Variants in TACC2 observed in about 807,000 individuals in gnomAD.
TACC2 encodes the protein transforming acidic coiled-coil containing protein 2.
In TACC2, 137 loss-of-function variants were observed where a neutral mutation model predicts 227.3. That is an observed-to-expected ratio of 0.60 (90% confidence interval 0.52 to 0.69). TACC2 has a LOEUF of 0.69. Among genes scored for constraint, TACC2 ranks in the 30% least tolerant of loss-of-function variants. The pLI, the probability that TACC2 is intolerant of heterozygous loss-of-function variation, is 0.00. For synonymous variants in TACC2, 1,523 were observed against 1,487.5 expected, an observed-to-expected ratio of 1.02 and a Z score of -0.55; for missense variants, 3,470 against 3,694.4, an observed-to-expected ratio of 0.94 and a Z score of 1.57.
Position 122,108,442 on chromosome 10 carries a change from C to CTT in TACC2, c.5573+19870_5573+19871dup, listed in dbSNP as rs34097153. On this transcript the variant is annotated intron_variant, in intron 5 of 22. Coordinates refer to ENST00000369005, the MANE Select transcript of TACC2 (RefSeq NM_206862.4). The stretch of plus-strand genomic sequence containing the variant: ...TATATATATGTGTATGTCATATTTT[C>CTT]TTTTTTTTTTTTTTTTTTTTGAGAT... Among the ~76,000 whole-genome samples, 451 of 90,042 alleles carry CTT rather than the reference C, an allele frequency of 5.0e-3. 12 individuals carry two copies. The highest frequency in any genetic ancestry group is 0.01 in the African/African-American group (239 of 23,520). The allele number at this position is 90,042 out of a possible 152,430, so 59.1% of individuals were successfully genotyped here. A position where few individuals can be genotyped will look rare whatever the true frequency, so the allele number is the denominator to read the frequency against.
chr10:122,252,710 C>T (rs2096274951), intron 22 of TACC2, among the ~76,000 whole-genome samples: 1 of 152,126 alleles, frequency 6.6e-6, no homozygotes, highest in Non-Finnish European at 1.5e-5. Flanking sequence ...CCAGGCTGGT[C>T]TTGAACTCCT....
At chr10:122,207,018 G>T (rs1325144211) in intron 8 of TACC2, among the ~76,000 whole-genome samples, 1 of 152,204 alleles carries the variant, frequency 6.6e-6, no homozygotes, top group East Asian at 1.9e-4. Context: ...GAGCAGGGAG[G>T]CTGGGTGTGG....
intron 1 of TACC2, among the ~76,000 whole-genome samples, chr10:122,000,245 G>C (rs950140318): frequency 6.6e-6 from 1 of 152,166 alleles, no homozygotes; most frequent in Non-Finnish European, 1.5e-5. Context: ...CAGGCTTGGT[G>C]GTGGGTGCCT....
intron 1 of TACC2, among the ~76,000 whole-genome samples, chr10:122,002,408 C>G (rs1031500577): frequency 6.6e-6 from 1 of 151,514 alleles, no homozygotes; most frequent in African/African-American, 2.4e-5. Context: ...CACTCATGTT[C>G]ATGAGTGATA....
chr10:122,083,023 A>G lies in TACC2; in HGVS notation c.523A>G (p.Arg175Gly). 1 of 1,612,550 alleles carries G rather than the reference A, an allele frequency of 6.2e-7. No individual in the cohort carries two copies. The highest frequency in any genetic ancestry group is 8.5e-7 in the Non-Finnish European group (1 of 1,179,968). ...QEIAAVPSAG[R>G]ERQPKEEGQK... ...GATTGCTGCCGTCCCCAGTGCTGGAAGAGAGAGACAGCCGAAGGAAGAAGG... is the reference window on the plus strand; with the variant it reads ...GATTGCTGCCGTCCCCAGTGCTGGAGGAGAGAGACAGCCGAAGGAAGAAGG... The change falls in exon 4 of 23, where the codon AGA becomes GGA. Residue 175 changes from arginine (R) to glycine (G), a missense_variant. Coordinates refer to ENST00000369005, the MANE Select transcript of TACC2 (RefSeq NM_206862.4).
At chr10:122,088,361 T>TG in intron 4 of TACC2, 117 bp from the exon 5 acceptor site, 1 of 982,668 alleles carries the variant, frequency 1.0e-6, no homozygotes, top group African/African-American at 1.6e-5. Context: ...AGGGATTTTT[T>TG]TTTTTGTAGT....
chr10:122,099,608 T>C (rs574688292), intron 5 of TACC2, among the ~76,000 whole-genome samples: 75 of 152,302 alleles, frequency 4.9e-4, no homozygotes, highest in African/African-American at 1.8e-3. Context: ...TTAAAGAAGC[T>C]GCAAGCACTG....
intron 2 of TACC2, among the ~76,000 whole-genome samples, chr10:122,026,616 G>T (rs1426481387): frequency 6.6e-6 from 1 of 151,880 alleles, no homozygotes; most frequent in Non-Finnish European, 1.5e-5. Flanking sequence ...AAATCCTCTG[G>T]ACTCCACCTA....
chr10:121,989,681 C>G (rs1952950083), intron 1 of TACC2, among the ~76,000 whole-genome samples, 193 bp downstream of exon 1: 1 of 152,048 alleles, frequency 6.6e-6, no homozygotes, highest in South Asian at 2.1e-4. Context: ...TGCTAGGCAC[C>G]TAGTGAGAGC....
chr10:122,253,090 T>G (rs1479815347), intron 22 of TACC2, among the ~76,000 whole-genome samples: 1 of 152,178 alleles, frequency 6.6e-6, no homozygotes, highest in African/African-American at 2.4e-5. Flanking sequence ...CTGGAACATG[T>G]CTCAGGAGTT....
chr10:122,020,791 C>A (rs144464439), intron 1 of TACC2, among the ~76,000 whole-genome samples: 1,688 of 152,210 alleles, frequency 0.011, 28 homozygotes, highest in African/African-American at 0.038. Context: ...TAAGGATTTT[C>A]TGTAATTTAG....
rs745678131 is a variant in TACC2, at chr10:122,249,578, G to T, written c.8695G>T (p.Ala2899Ser). Reference protein sequence around the residue: ...NAEIAQVRGKAQQEQAAHQAS... With the variant: ...NAEIAQVRGKSQQEQAAHQAS... ...TGAGATTGCTCAGGTTCGAGGCAAG[G>T]CCCAGCAGGAGCAAGCCGCCCACCA... Residue 2899 changes from alanine (A) to serine (S), a missense_variant, in exon 22 of 23, where the codon GCC becomes TCC. Physicochemically the swap from Ala to Ser is moderately conservative, Grantham distance 99. Coordinates refer to ENST00000369005, the MANE Select transcript of TACC2 (RefSeq NM_206862.4). 93 of 1,614,164 alleles carry T rather than the reference G, an allele frequency of 5.8e-5. No homozygotes were observed. The highest frequency in any genetic ancestry group is 7.5e-5 in the Non-Finnish European group (89 of 1,180,022).
At chr10:122,037,684 C>T (rs1052501708) in intron 2 of TACC2, among the ~76,000 whole-genome samples, 1 of 152,174 alleles carries the variant, frequency 6.6e-6, no homozygotes, top group Non-Finnish European at 1.5e-5. Context: ...CTCATGTATA[C>T]CCATCCGTGT....
intron 7 of TACC2, among the ~76,000 whole-genome samples, chr10:122,156,335 T>C (rs1217802752): frequency 6.6e-6 from 1 of 151,788 alleles, no homozygotes; most frequent in Non-Finnish European, 1.5e-5. Context: ...ACCATTCTCC[T>C]GTCTCTGCCT....
At chr10:122,116,654 A>C (rs946629746) in intron 5 of TACC2, among the ~76,000 whole-genome samples, 1 of 152,204 alleles carries the variant, frequency 6.6e-6, no homozygotes, top group African/African-American at 2.4e-5. Context: ...GTGCAAATGG[A>C]AAGTCAGTGG....
chr10:122,107,511 C>T lies in TACC2; in HGVS notation c.5573+18920C>T, dbSNP rs185255541. On this transcript the variant is annotated intron_variant, in intron 5 of 22. Transcript: ENST00000369005. ...GGCTGAGAAAGGAGAATCGCTTGAA[C>T]CTGGGAGGCGGAGGTTGCAGTGAGC... is the stretch of plus-strand genomic sequence containing the variant. 5.1e-4 allele frequency among the ~76,000 whole-genome samples: 77 copies of T among 152,146 alleles called. 1 individual carries two copies. The highest frequency in any genetic ancestry group is 1.8e-3 in the African/African-American group (75 of 41,486).
rs386475050 is a variant in TACC2, at chr10:122,242,103, G to A, written c.8392+102G>A. On this transcript the variant is annotated intron_variant, in intron 19 of 22. Transcript: ENST00000369005. ...GCTCAGAGTGGGTTTCTGGTAGAGCGTGAAGCCTTTCAGGGAAGGACCAGA... is the reference window on the plus strand; with the variant it reads ...GCTCAGAGTGGGTTTCTGGTAGAGCATGAAGCCTTTCAGGGAAGGACCAGA... 134 of 1,092,030 alleles carry A rather than the reference G, an allele frequency of 1.2e-4. 3 individuals are homozygous for A. Among genetic ancestry groups the A allele is most frequent in the South Asian group, 1.2e-3 (93 of 80,132 alleles). 67.6% of individuals were successfully genotyped at this position (1,092,030 alleles called of 1,614,324 possible).
rs776714808 is a variant in TACC2, at chr10:122,226,372, G to T, written c.7615G>T (p.Asp2539Tyr). ...EKIGSSLPQD[D>Y]DAPKKQALYL... is the part of the protein sequence containing the mutation. ...GTGATTTTGATCCCTGCAGCAGGACGACGATGCCCCGAAGAAGCAGGCCTT... is the reference window on the plus strand; with the variant it reads ...GTGATTTTGATCCCTGCAGCAGGACTACGATGCCCCGAAGAAGCAGGCCTT... Residue 2539 changes from aspartate (D) to tyrosine (Y), a missense_variant, in exon 13 of 23, where the codon GAC becomes TAC. Coordinates refer to ENST00000369005, the MANE Select transcript of TACC2 (RefSeq NM_206862.4). The T allele has an allele frequency of 6.2e-7, 1 of 1,613,630 alleles. No homozygotes were observed.
In TACC2 at chr10:122,195,058, G is replaced by A. The variant is rs1303739623; in HGVS notation, c.5853G>A (p.Glu1951=). 11 of 1,613,060 alleles carry A rather than the reference G, an allele frequency of 6.8e-6. No homozygotes were observed. The highest frequency in any genetic ancestry group is 9.3e-6 in the Non-Finnish European group (11 of 1,179,468). Residue 1951 remains glutamate, a synonymous_variant, in exon 8 of 23, where the codon GAG becomes GAA. Coordinates refer to ENST00000369005, the MANE Select transcript of TACC2 (RefSeq NM_206862.4). ...TCATCAGGAGTTCCGATTCTGAAGA[G>A]GCATTTGAGACCCCGGAGTCAACGA... ...KDLSRSSDSE[E]AFETPESTTP...
Sources: allele counts gnomAD v4.1 joint callset (sites outside exome capture counted in the v4.1 genomes callset), GRCh38; gene constraint gnomAD v4.1.1; transcripts MANE v1.5; gene names NCBI Gene and HGNC (gene_info 2026-07-23, HGNC 2026-07-21).